The following NPL variants were observed in gnomAD, a reference collection of about 807,000 sequenced individuals.
The protein encoded by NPL is N-acetylneuraminate pyruvate lyase, also known as N-acetylneuraminate lyase.
A neutral mutation model predicts 41.1 loss-of-function variants in NPL; 32 were observed. The observed-to-expected ratio is 0.78, with a 90% confidence interval of 0.59 to 1.05. NPL has a LOEUF of 1.05. Ranked by LOEUF, NPL falls within the 50% of genes least tolerant of loss-of-function variation. The pLI, the probability that NPL is intolerant of heterozygous loss-of-function variation, is 0.00. For missense variants in NPL, 321 were observed against 378.4 expected (o/e 0.85, Z 1.26); for synonymous variants, 128 against 134.9 (o/e 0.95, Z 0.35).
intron 5 of NPL, among the ~76,000 whole-genome samples, chr1:182,810,128 G>A (rs1251655344): frequency 1.3e-5 from 2 of 152,166 alleles, no homozygotes; most frequent in Non-Finnish European, 2.9e-5. Context: ...CAGGAATGTG[G>A]TGTCTCTGTC....
chr1:182,820,907 T>C (rs546806950), intron 10 of NPL, among the ~76,000 whole-genome samples: 1 of 152,304 alleles, frequency 6.6e-6, no homozygotes, highest in African/African-American at 2.4e-5. Context: ...CGCCTGGAAA[T>C]TCTTTCTTTT....
At chr1:182,806,306 C>T (rs1001489196) in intron 5 of NPL, 74 bp downstream of exon 5, 218 of 1,597,422 alleles carry the variant, frequency 1.4e-4, no homozygotes, top group Non-Finnish European at 1.8e-4. Flanking sequence ...CCAGAGGATA[C>T]GCCCTCCCTG....
chr1:182,806,361 G>A (rs1367126612), intron 5 of NPL, 129 bp downstream of exon 5: 1 of 1,552,526 alleles, frequency 6.4e-7, no homozygotes, highest in Non-Finnish European at 8.7e-7. Flanking sequence ...GTGGGAAGAT[G>A]AGCAGGGCCC....
chr1:182,799,539 T>G (rs1337109845), intron 3 of NPL, among the ~76,000 whole-genome samples: 1 of 152,104 alleles, frequency 6.6e-6, no homozygotes. Context: ...CTGAGTGGGT[T>G]TTCTTTTTTT....
chr1:182,802,659 T>C lies in NPL; in HGVS notation c.69-1039T>C, dbSNP rs566079306. 2.0e-5 allele frequency among the ~76,000 whole-genome samples: 3 copies of C among 152,346 alleles called. No homozygotes were observed. In the South Asian group the frequency reaches 6.2e-4, roughly 32 times the overall value. On this transcript the variant is annotated intron_variant, in intron 3 of 12. Transcript: ENST00000367553. ...CATTTAATGCAGGCTTGCTGCACCA[T>C]TTTCCTTTGAATTTCACTCTTCATT...
intron 5 of NPL, among the ~76,000 whole-genome samples, chr1:182,807,766 C>G (rs1667061407): frequency 6.6e-6 from 1 of 150,454 alleles, no homozygotes; most frequent in South Asian, 2.1e-4. Context: ...TGGCGGGCTC[C>G]TGTAGTCCCA....
At chr1:182,800,552 A>AC (rs1666814024) in intron 3 of NPL, among the ~76,000 whole-genome samples, 1 of 149,104 alleles carries the variant, frequency 6.7e-6, no homozygotes, top group African/African-American at 2.5e-5. Context: ...GGATGATTTC[A>AC]CCCCCACTTG....
At chr1:182,817,079 CCTT>C (rs1306962960) in intron 8 of NPL, among the ~76,000 whole-genome samples, 2 of 152,246 alleles carry the variant, frequency 1.3e-5, no homozygotes, top group East Asian at 3.9e-4. Flanking sequence ...CACACACACC[CCTT>C]CTTCTTATTG....
chr1:182,794,124 G>A (rs905723253), intron 2 of NPL, among the ~76,000 whole-genome samples: 1 of 152,280 alleles, frequency 6.6e-6, no homozygotes, highest in Middle Eastern at 3.4e-3. Context: ...CATCTGTATA[G>A]CTAAAATGGG....
In NPL at chr1:182,828,572, C is replaced by A; in HGVS notation, c.779-152C>A. ...GGAAGAGGGATTTCGAATGATTGCT[C>A]ATCTGTCATATTGACTAGAAATGTT... On this transcript the variant is annotated intron_variant, in intron 12 of 12. Coordinates refer to ENST00000367553, the MANE Select transcript of NPL (RefSeq NM_030769.3). The surrounding 1 kb of genome is among the most constrained non-coding windows in gnomAD (Gnocchi z 4.0). The A allele has an allele frequency of 1.0e-6, 1 of 953,356 alleles. No homozygotes were observed. Among genetic ancestry groups the A allele is most frequent in the Non-Finnish European group, 1.6e-6 (1 of 624,384 alleles). The allele number at this position is 953,356 out of a possible 1,614,324, so 59.1% of individuals were successfully genotyped here.
chr1:182,825,277 CAG>C (rs1667601230), intron 11 of NPL, among the ~76,000 whole-genome samples: 1 of 152,038 alleles, frequency 6.6e-6, no homozygotes, highest in Admixed American at 6.6e-5. Context: ...CAAGGGGAAA[CAG>C]AAAAGAACAA....
At position 182,828,570 on chromosome 1, in the gene NPL, C is replaced by T. The variant is rs1335753057; in HGVS notation, c.779-154C>T. ...CAGGAAGAGGGATTTCGAATGATTG[C>T]TCATCTGTCATATTGACTAGAAATG... On this transcript the variant is annotated intron_variant, in intron 12 of 12. Transcript: ENST00000367553. The surrounding 1 kb of genome is among the most constrained non-coding windows in gnomAD (Gnocchi z 4.0). Among the ~76,000 whole-genome samples the T allele has an allele frequency of 1.3e-5, 2 of 152,162 alleles. No homozygotes were observed. The highest frequency in any genetic ancestry group is 3.8e-4 in the East Asian group (2 of 5,200).
rs116319965 is a variant in NPL at position 182,814,124 on chromosome 1, G to A, written c.289-659G>A. ...TGTGCCCAGCACCATGATTGACCTGGACTCAAGGGTAAGCAAGATCTGAGC... is the reference window on the plus strand; with the variant it reads ...TGTGCCCAGCACCATGATTGACCTGAACTCAAGGGTAAGCAAGATCTGAGC... On this transcript the variant is annotated intron_variant, in intron 6 of 12. Coordinates refer to ENST00000367553, the MANE Select transcript of NPL (RefSeq NM_030769.3). 4.5e-3 allele frequency among the ~76,000 whole-genome samples: 690 copies of A among 152,308 alleles called. 8 individuals carry two copies. Among genetic ancestry groups the A allele is most frequent in the African/African-American group, 0.016 (664 of 41,572 alleles).
intron 5 of NPL, chr1:182,809,414 C>T: frequency 3.6e-6 from 1 of 275,384 alleles, no homozygotes; most frequent in East Asian, 1.1e-4. Context: ...GTGGCAGGTA[C>T]CTGTAATCCC....
intron 7 of NPL, among the ~76,000 whole-genome samples, 198 bp from the exon 8 acceptor site, chr1:182,816,516 C>G (rs1426956258): frequency 6.6e-6 from 1 of 152,122 alleles, no homozygotes; most frequent in Non-Finnish European, 1.5e-5. Flanking sequence ...TTTGGGCTTT[C>G]TACAGAAAGG....
At chr1:182,815,289 T>A (rs1667292064) in intron 7 of NPL, among the ~76,000 whole-genome samples, 1 of 152,242 alleles carries the variant, frequency 6.6e-6, no homozygotes, top group African/African-American at 2.4e-5. Context: ...AAATATTCAT[T>A]GCCTTCTAGA....
intron 3 of NPL, among the ~76,000 whole-genome samples, chr1:182,799,921 C>T (rs1052960948): frequency 1.2e-4 from 19 of 152,138 alleles, no homozygotes; most frequent in African/African-American, 4.3e-4. Context: ...TCTTGGGGCT[C>T]ATGAAAGAAG....
intron 6 of NPL, among the ~76,000 whole-genome samples, chr1:182,812,962 G>C (rs1667218058): frequency 6.6e-6 from 1 of 152,040 alleles, no homozygotes; most frequent in Non-Finnish European, 1.5e-5. Flanking sequence ...AGACCAGCCT[G>C]ACCAATATGG....
At chr1:182,802,726 C>T (rs1321169285) in intron 3 of NPL, among the ~76,000 whole-genome samples, 2 of 152,288 alleles carry the variant, frequency 1.3e-5, no homozygotes, top group African/African-American at 2.4e-5. Flanking sequence ...GGACAGGTTG[C>T]CTAATACAAC....
Sources: gnomAD v4.1 joint callset for allele counts (sites outside exome capture counted in the v4.1 genomes callset) on GRCh38, gnomAD v4.1.1 for gene constraint, Gnocchi (gnomAD v3.1) non-coding constraint, MANE v1.5 for transcripts, NCBI Gene and HGNC (gene_info 2026-07-23, HGNC 2026-07-21) for gene names.